Variants in PI4K2B observed in about 807,000 individuals in gnomAD.
The protein encoded by PI4K2B is phosphatidylinositol 4-kinase type 2-beta.
In PI4K2B, 46 loss-of-function variants were observed where a neutral mutation model predicts 56.6. The observed-to-expected ratio is 0.81, with a 90% CI of 0.64 to 1.04. The LOEUF is 1.04. Ranked by LOEUF, PI4K2B falls within the 50% of genes least tolerant of loss-of-function variation. The pLI is 0.00. For synonymous variants in PI4K2B, 211 were observed against 223.8 expected (o/e 0.94, Z 0.51); for missense variants, 556 against 607.7 (o/e 0.91, Z 0.89).
chr4:25,244,831 T>C (rs1222551050), intron 1 of PI4K2B, among the ~76,000 whole-genome samples: 3 of 152,120 alleles, frequency 2.0e-5, no homozygotes, highest in African/African-American at 7.2e-5. Context: ...CCCTGGACCC[T>C]GCTGATTGGA....
chr4:25,258,413 T>C (rs1388072996), intron 4 of PI4K2B: 2 of 152,232 alleles, frequency 1.3e-5, no homozygotes, highest in African/African-American at 4.8e-5. Context: ...TTTTACCATG[T>C]TGGCCAGGCT....
intron 5 of PI4K2B, among the ~76,000 whole-genome samples, chr4:25,259,648 A>C (rs1716385391): frequency 6.6e-6 from 1 of 152,120 alleles, no homozygotes; most frequent in Non-Finnish European, 1.5e-5. Flanking sequence ...CTGGAAGAAG[A>C]ATTGTCTTGG....
chr4:25,242,311 A>T (rs1306276969), intron 1 of PI4K2B, among the ~76,000 whole-genome samples: 1 of 152,220 alleles, frequency 6.6e-6, no homozygotes, highest in Non-Finnish European at 1.5e-5. Flanking sequence ...TGGACTTGAG[A>T]AGTGGCCTAG....
intron 9 of PI4K2B, among the ~76,000 whole-genome samples, chr4:25,273,130 GT>G (rs67178709): frequency 0.91 from 136,179 of 149,578 alleles, 62,077 homozygotes; most frequent in East Asian, 0.97. Context: ...CAATATGAAA[GT>G]TTTTTTTTTT....
At chr4:25,237,388 T>TG (rs1715310769) in intron 1 of PI4K2B, among the ~76,000 whole-genome samples, 1 of 151,782 alleles carries the variant, frequency 6.6e-6, no homozygotes, top group Non-Finnish European at 1.5e-5. Flanking sequence ...GGGGTGGCAG[T>TG]GGGGGAACAG....
intron 2 of PI4K2B, 29 bp from the exon 3 acceptor site, chr4:25,255,034 GTC>G (rs777580854): frequency 7.0e-7 from 1 of 1,428,416 alleles, no homozygotes; most frequent in Non-Finnish European, 9.8e-7. Context: ...TATGTAAAAA[GTC>G]TAATAAGATT....
chr4:25,269,334 T>A, intron 9 of PI4K2B, 131 bp downstream of exon 9: 1 of 594,126 alleles, frequency 1.7e-6, no homozygotes, highest in African/African-American at 1.9e-5. Flanking sequence ...TAGCCCAGAT[T>A]ATTAGAAATG....
intron 9 of PI4K2B, chr4:25,276,764 A>C (rs1717111179): frequency 6.1e-6 from 6 of 985,322 alleles, no homozygotes; most frequent in Non-Finnish European, 7.2e-6. Flanking sequence ...AGAATATTTT[A>C]AACTTACCAT....
At chr4:25,265,683 A>T (rs1716641097) in intron 7 of PI4K2B, among the ~76,000 whole-genome samples, 1 of 152,126 alleles carries the variant, frequency 6.6e-6, no homozygotes, top group Non-Finnish European at 1.5e-5. Flanking sequence ...TTTCTAAGAA[A>T]CTGTTCATTG....
intron 1 of PI4K2B, among the ~76,000 whole-genome samples, chr4:25,246,618 T>C (rs189591807): frequency 6.5e-4 from 99 of 152,342 alleles, no homozygotes; most frequent in African/African-American, 2.3e-3. Flanking sequence ...CCACGCCTTG[T>C]GCCCACACTC....
chr4:25,270,100 T>C (rs1179518883), intron 9 of PI4K2B, among the ~76,000 whole-genome samples: 1 of 152,190 alleles, frequency 6.6e-6, no homozygotes, highest in Non-Finnish European at 1.5e-5. Flanking sequence ...CCCATTTTGA[T>C]AGCTATTTTC....
At chr4:25,260,804 C>T (rs1257603330) in intron 6 of PI4K2B, among the ~76,000 whole-genome samples, 1 of 149,350 alleles carries the variant, frequency 6.7e-6, no homozygotes, top group East Asian at 2.0e-4. Context: ...TTTAAATCTA[C>T]TGTCTCTGTT....
chr4:25,234,515 C>A, intron 1 of PI4K2B, 84 bp downstream of exon 1: 1 of 1,015,336 alleles, frequency 9.8e-7, no homozygotes, highest in Non-Finnish European at 1.3e-6. Flanking sequence ...CCCGCGCGCG[C>A]TGGCCGAGGT....
In PI4K2B at chr4:25,277,087, T is replaced by C. The variant is rs116190725; in HGVS notation, c.1346T>C (p.Val449Ala). The change falls in exon 10 of 10, where the codon GTG becomes GCG. Residue 449 changes from valine (V) to alanine (A), a missense_variant. Physicochemically the swap from Val to Ala is moderately conservative, Grantham distance 64. Transcript: ENST00000264864. ...FQLVQIPCVI[V>A]ERSQGGSQGR... is the part of the protein sequence containing the mutation. ...CTAGTACAGATACCTTGTGTGATTGTGGAACGCAGTCAAGGTGGAAGTCAG... is the reference window on the plus strand; with the variant it reads ...CTAGTACAGATACCTTGTGTGATTGCGGAACGCAGTCAAGGTGGAAGTCAG... 3.1e-5 allele frequency: 50 copies of C among 1,613,904 alleles called. No individual in the cohort carries two copies. In the East Asian group the frequency reaches 9.4e-4, roughly 30 times the overall value.
Position 25,274,324 on chromosome 4 carries a change from G to A in PI4K2B, c.1273-2690G>A, listed in dbSNP as rs79194116. ...CCTGGACCACAGCTGTCACATCCCC[G>A]TCAAGCTGTCATTATGGCATGGGTG... On this transcript the variant is annotated intron_variant, in intron 9 of 9. Coordinates refer to ENST00000264864, the MANE Select transcript of PI4K2B (RefSeq NM_018323.4). Among the ~76,000 whole-genome samples the A allele has an allele frequency of 1.4e-4, 22 of 152,228 alleles. No individual in the cohort carries two copies. The East Asian group carries it at 2.7e-3, about 19-fold the overall frequency.
chr4:25,275,187 A>G (rs1224333760), intron 9 of PI4K2B, among the ~76,000 whole-genome samples: 1 of 152,236 alleles, frequency 6.6e-6, no homozygotes, highest in Non-Finnish European at 1.5e-5. Context: ...TTAAATTGGT[A>G]TATTTAGGCT....
intron 1 of PI4K2B, among the ~76,000 whole-genome samples, chr4:25,249,741 C>T (rs539137486): frequency 4.6e-5 from 7 of 150,880 alleles, no homozygotes; most frequent in African/African-American, 7.3e-5. Context: ...TCAGACGGGG[C>T]GGCGGGGCAG....
chr4:25,253,094 CT>C (rs1560372426), intron 2 of PI4K2B, among the ~76,000 whole-genome samples: 1 of 152,174 alleles, frequency 6.6e-6, no homozygotes, highest in African/African-American at 2.4e-5. Flanking sequence ...AGTCTATAAC[CT>C]TAATAGCCAA....
chr4:25,242,761 G>A (rs1715580412), intron 1 of PI4K2B, among the ~76,000 whole-genome samples: 1 of 152,216 alleles, frequency 6.6e-6, no homozygotes, highest in Admixed American at 6.5e-5. Context: ...AGGAAAAGTG[G>A]TGGGATCTTT....
Sources: allele counts gnomAD v4.1 joint callset (sites outside exome capture counted in the v4.1 genomes callset), GRCh38; gene constraint gnomAD v4.1.1; transcripts MANE v1.5; gene names NCBI Gene and HGNC (gene_info 2026-07-23, HGNC 2026-07-21).